Variants in HNF4A observed in about 807,000 individuals in gnomAD.
The protein encoded by HNF4A is hepatocyte nuclear factor 4-alpha.
Under a neutral mutation model 52.4 loss-of-function variants are expected in HNF4A, and 15 were observed. That is an observed-to-expected ratio of 0.29 (90% CI 0.19 to 0.44). The LOEUF (loss-of-function observed/expected upper bound fraction) is 0.44, where lower values mean the gene tolerates loss of function less well. Ranked by LOEUF, HNF4A falls within the 20% of genes least tolerant of loss-of-function variation. The pLI is 1.00. For missense variants in HNF4A, 479 were observed against 647.2 expected (o/e 0.74, Z 2.82); for synonymous variants, 280 against 264.4 (o/e 1.06, Z -0.57).
chr20:44,371,916 G>C (rs1361790057), intron 1 of HNF4A, among the ~76,000 whole-genome samples: 1 of 152,334 alleles, frequency 6.6e-6, no homozygotes, highest in Middle Eastern at 3.4e-3. Context: ...GTCTCCTGGA[G>C]CCACTTTAGA....
At position 44,362,047 on chromosome 20, in the gene HNF4A, T is replaced by C. The variant is rs376765670; in HGVS notation, c.49+6194T>C. 2.0e-4 allele frequency among the ~76,000 whole-genome samples: 31 copies of C among 152,326 alleles called. No homozygotes were observed. The South Asian group carries it at 5.0e-3, about 24-fold the overall frequency. ...TTACTTATATTTGACTGCAATTAAT[T>C]CCATCCTTTACTGAAAGTATCTTGA... is the stretch of plus-strand genomic sequence containing the variant. On this transcript the variant is annotated intron_variant, in intron 1 of 9. Coordinates refer to the HNF4A transcript ENST00000316673.
chr20:44,392,464 A>T (rs936015118), intron 1 of HNF4A, among the ~76,000 whole-genome samples: 2 of 152,074 alleles, frequency 1.3e-5, no homozygotes, highest in African/African-American at 2.4e-5. Flanking sequence ...CCAAGATTCG[A>T]TCATTGATCT....
At chr20:44,409,839 CTTTTT>C (rs11468260) in intron 3 of HNF4A, among the ~76,000 whole-genome samples, 1 of 144,106 alleles carries the variant, frequency 6.9e-6, no homozygotes. Flanking sequence ...CTGGTCCCTT[CTTTTT>C]TTTTTTTTTT....
chr20:44,405,157 G>A lies in HNF4A; in HGVS notation c.116-901G>A, dbSNP rs984638827. ...GTGGCACACACGCTTGCATTTTCCC[G>A]GGGGCTGACCCATTGCATTTGTCAT... On this transcript the variant is annotated intron_variant, in intron 1 of 9. Coordinates refer to ENST00000316099, the MANE Select transcript of HNF4A (RefSeq NM_000457.6). Among the ~76,000 whole-genome samples, 5 of 137,358 alleles carry A rather than the reference G, an allele frequency of 3.6e-5. No homozygotes were observed. In the Admixed American group the frequency reaches 3.7e-4, roughly 10 times the overall value. The allele number at this position is 137,358 out of a possible 152,430, so 90.1% of individuals were successfully genotyped here. A position where few individuals can be genotyped will look rare whatever the true frequency, so the allele number is the denominator to read the frequency against.
At chr20:44,367,370 G>T (rs999242926) in intron 1 of HNF4A, among the ~76,000 whole-genome samples, 4 of 151,158 alleles carry the variant, frequency 2.6e-5, no homozygotes, top group African/African-American at 9.7e-5. Context: ...TCTTGGCCAG[G>T]CACGGTGGCT....
intron 1 of HNF4A, among the ~76,000 whole-genome samples, chr20:44,359,350 T>C (rs1047417448): frequency 3.3e-5 from 5 of 152,224 alleles, no homozygotes; most frequent in African/African-American, 1.2e-4. Context: ...CTTACGTGTC[T>C]GAAGCTGGAG....
chr20:44,370,145 G>T (rs1314498763), intron 1 of HNF4A, among the ~76,000 whole-genome samples: 1 of 151,930 alleles, frequency 6.6e-6, no homozygotes, highest in Non-Finnish European at 1.5e-5. Flanking sequence ...TCCCGCCTCA[G>T]CCCCCCCAAG....
chr20:44,408,554 G>A (rs1345759247), intron 3 of HNF4A, among the ~76,000 whole-genome samples: 5 of 151,986 alleles, frequency 3.3e-5, no homozygotes, highest in East Asian at 1.9e-4. Flanking sequence ...GTAAAACCCC[G>A]TCTCTACTAA....
At position 44,405,527 on chromosome 20, in the gene HNF4A, A is replaced by T. The variant is rs563431926; in HGVS notation, c.116-531A>T. On this transcript the variant is annotated intron_variant, in intron 1 of 9. Coordinates refer to ENST00000316099, the MANE Select transcript of HNF4A (RefSeq NM_000457.6). ...CAGTAGCTTTTGCCTGTGGGATGGG[A>T]GGGATGGGAGATGTGTCCAGACCCT... 2.6e-4 allele frequency among the ~76,000 whole-genome samples: 39 copies of T among 151,992 alleles called. No individual in the cohort carries two copies. In the East Asian group the frequency reaches 7.4e-3, roughly 29 times the overall value.
rs1053705043 is a variant in HNF4A at position 44,429,513 on chromosome 20, G to C, written c.1283-10G>C. ...TTGAGCAGCCCCTGTCTGTCTGTTT[G>C]TCCTTCCAGCCACCCCTGAGACCCC... On this transcript the variant is annotated splice_polypyrimidine_tract_variant and intron_variant, in intron 9 of 9. Transcript: ENST00000316099. The C allele has an allele frequency of 1.2e-6, 2 of 1,613,964 alleles. No individual in the cohort carries two copies. The highest frequency in any genetic ancestry group is 2.7e-5 in the African/African-American group (2 of 74,890).
intron 1 of HNF4A, among the ~76,000 whole-genome samples, chr20:44,387,560 T>A (rs888350486): frequency 2.0e-5 from 3 of 150,328 alleles, no homozygotes; most frequent in Non-Finnish European, 3.0e-5. Context: ...TCTGAGCCAA[T>A]GTACATTTGT....
chr20:44,431,946 G>A lies in HNF4A; in HGVS notation c.*2281G>A, dbSNP rs1023873839. 5 of 152,318 alleles carry A rather than the reference G, an allele frequency of 3.3e-5. No individual in the cohort carries two copies. Among genetic ancestry groups the A allele is most frequent in the African/African-American group, 1.2e-4 (5 of 41,452 alleles). The allele number at this position is 152,318 out of a possible 1,614,324, so 9.4% of individuals were successfully genotyped here. On this transcript the variant is annotated 3_prime_UTR_variant, in exon 10 of 10. Transcript: ENST00000316099. ...CCCAGCGGAGACTGTGCCCTGCTCAGAGCTCCCAAGCCTTCCCCCACCACC... is the reference window on the plus strand; with the variant it reads ...CCCAGCGGAGACTGTGCCCTGCTCAAAGCTCCCAAGCCTTCCCCCACCACC...
intron 8 of HNF4A, among the ~76,000 whole-genome samples, chr20:44,425,431 A>C (rs137949656): frequency 6.6e-6 from 1 of 152,304 alleles, no homozygotes; most frequent in East Asian, 1.9e-4. Context: ...ATCTATTTGG[A>C]GGAAGAGCCC....
intron 1 of HNF4A, among the ~76,000 whole-genome samples, chr20:44,386,929 TGAA>T (rs1252265184): frequency 6.6e-6 from 1 of 152,210 alleles, no homozygotes; most frequent in Non-Finnish European, 1.5e-5. Context: ...ACCGAGCACT[TGAA>T]GTTTACATCA....
chr20:44,417,591 C>T (rs892751443), intron 5 of HNF4A, among the ~76,000 whole-genome samples: 1 of 152,150 alleles, frequency 6.6e-6, no homozygotes, highest in African/African-American at 2.4e-5. Context: ...AATTGCACTT[C>T]AGAGTCAACT....
chr20:44,381,848 T>C (rs1393024190), intron 1 of HNF4A, among the ~76,000 whole-genome samples: 1 of 152,130 alleles, frequency 6.6e-6, no homozygotes, highest in East Asian at 1.9e-4. Context: ...TGACCTCAAG[T>C]GATCCACCCA....
chr20:44,416,457 T>G (rs1231803704), intron 5 of HNF4A, among the ~76,000 whole-genome samples: 1 of 152,242 alleles, frequency 6.6e-6, no homozygotes, highest in African/African-American at 2.4e-5. Context: ...GTCTTCCGCT[T>G]CGCGATGTGA....
chr20:44,428,313 G>C (rs1215745485), intron 8 of HNF4A, 22 bp from the exon 9 acceptor site: 2 of 1,613,498 alleles, frequency 1.2e-6, no homozygotes, highest in Non-Finnish European at 1.7e-6. Flanking sequence ...TCTCCATCCT[G>C]ATCGACCTTC....
At chr20:44,408,297 A>C (rs1420546444) in intron 3 of HNF4A, 1 of 154,684 alleles carries the variant, frequency 6.5e-6, no homozygotes, top group African/African-American at 2.4e-5. Context: ...TCCTTGGAAG[A>C]TCTGAAGTCC....
Sources: allele counts gnomAD v4.1 joint callset (sites outside exome capture counted in the v4.1 genomes callset), GRCh38; gene constraint gnomAD v4.1.1; transcripts MANE v1.5; gene names NCBI Gene and HGNC (gene_info 2026-07-23, HGNC 2026-07-21).